EYS: variants seen among roughly 807,000 people sequenced by gnomAD.
EYS encodes the protein protein eyes shut homolog.
EYS carries 250 observed loss-of-function variants against 282.1 expected under a neutral mutation model. The observed-to-expected ratio is 0.89, with a 90% CI of 0.80 to 0.98. The LOEUF (loss-of-function observed/expected upper bound fraction) is 0.98, where lower values mean the gene tolerates loss of function less well. EYS is among the 50% of genes least tolerant of loss of function. The probability of loss-of-function intolerance (pLI) is 0.00; values close to 1 mark genes in which losing one functional copy is unlikely to be tolerated. For missense variants in EYS, 4,016 were observed against 3,709.0 expected, an observed-to-expected ratio of 1.08 and a Z score of -2.15; for synonymous variants, 1,355 against 1,282.9, an observed-to-expected ratio of 1.06 and a Z score of -1.20.
chr6:64,214,751 G>C (rs1297976425), intron 31 of EYS, among the ~76,000 whole-genome samples: 1 of 151,934 alleles, frequency 6.6e-6, no homozygotes. Context: ...TATGTGGCTA[G>C]AACATATTTA....
At chr6:64,299,554 G>C (rs190919116) in intron 30 of EYS, among the ~76,000 whole-genome samples, 1 of 152,342 alleles carries the variant, frequency 6.6e-6, no homozygotes, top group East Asian at 1.9e-4. Flanking sequence ...TGTGCAGTCA[G>C]TAAGTCATTG....
intron 10 of EYS, among the ~76,000 whole-genome samples, chr6:65,339,670 A>C (rs1770126020): frequency 6.6e-6 from 1 of 151,090 alleles, no homozygotes; most frequent in Non-Finnish European, 1.5e-5. Context: ...ATGTCACTGG[A>C]GAAGAGTTTG....
chr6:65,693,170 C>T (rs1039926129), intron 1 of EYS, among the ~76,000 whole-genome samples: 1 of 149,372 alleles, frequency 6.7e-6, no homozygotes, highest in Non-Finnish European at 1.5e-5. Context: ...ATTTTCCTTC[C>T]TTCTCTTTCT....
At chr6:64,352,716 T>C (rs570268366) in intron 29 of EYS, among the ~76,000 whole-genome samples, 52 of 151,614 alleles carry the variant, frequency 3.4e-4, no homozygotes, top group Non-Finnish European at 6.6e-4. Flanking sequence ...TACTCATTTT[T>C]AAATTCCTGT....
chr6:65,062,009 G>T (rs1290258166), intron 12 of EYS, among the ~76,000 whole-genome samples: 1 of 151,376 alleles, frequency 6.6e-6, no homozygotes, highest in African/African-American at 2.4e-5. Context: ...CTTTATTTTT[G>T]TTTATTCATT....
chr6:64,145,673 C>T (rs1289254318), intron 31 of EYS, among the ~76,000 whole-genome samples: 1 of 152,142 alleles, frequency 6.6e-6, no homozygotes, highest in African/African-American at 2.4e-5. Flanking sequence ...GAAAGTTCTA[C>T]ATGCATTTTT....
intron 14 of EYS, among the ~76,000 whole-genome samples, chr6:64,968,378 G>A (rs1436866151): frequency 6.6e-6 from 1 of 151,884 alleles, no homozygotes; most frequent in East Asian, 1.9e-4. Flanking sequence ...AAATAATTTT[G>A]CTGATCAAAT....
chr6:65,626,373 CTTG>C (rs965114670), intron 2 of EYS, among the ~76,000 whole-genome samples: 17 of 152,184 alleles, frequency 1.1e-4, no homozygotes, highest in African/African-American at 4.1e-4. Context: ...TCTTTGTTTT[CTTG>C]TTGTTGTTGT....
intron 30 of EYS, among the ~76,000 whole-genome samples, chr6:64,278,365 T>C (rs572523625): frequency 6.6e-6 from 1 of 152,296 alleles, no homozygotes; most frequent in South Asian, 2.1e-4. Flanking sequence ...TTTTTAATAA[T>C]GAAATTATTC....
chr6:64,819,143 C>T (rs1764824972), intron 21 of EYS, among the ~76,000 whole-genome samples: 1 of 151,940 alleles, frequency 6.6e-6, no homozygotes, highest in South Asian at 2.1e-4. Flanking sequence ...AGCATTGCAC[C>T]ATAGAGAAAG....
intron 2 of EYS, among the ~76,000 whole-genome samples, chr6:65,496,575 G>A (rs1056457268): frequency 6.6e-6 from 1 of 152,048 alleles, no homozygotes; most frequent in South Asian, 2.1e-4. Context: ...TAGGCAACCT[G>A]AGATTTAATT....
chr6:65,455,901 C>T (rs1170077436), intron 5 of EYS, among the ~76,000 whole-genome samples: 2 of 148,956 alleles, frequency 1.3e-5, no homozygotes, highest in Non-Finnish European at 3.0e-5. Context: ...ATTAATTTTA[C>T]AAGAGTAGCA....
intron 22 of EYS, among the ~76,000 whole-genome samples, chr6:64,684,342 T>TA (rs1770009345): frequency 6.6e-6 from 1 of 151,984 alleles, no homozygotes; most frequent in Non-Finnish European, 1.5e-5. Flanking sequence ...GAAACCTAAG[T>TA]AAAAAAAGAT....
At chr6:64,526,702 G>A (rs1050963388) in intron 26 of EYS, among the ~76,000 whole-genome samples, 1 of 151,772 alleles carries the variant, frequency 6.6e-6, no homozygotes, top group Non-Finnish European at 1.5e-5. Context: ...TTAGGAGTGA[G>A]ATGTGAAGGC....
intron 2 of EYS, among the ~76,000 whole-genome samples, chr6:65,593,975 G>A (rs776076899): frequency 1.3e-5 from 2 of 151,806 alleles, no homozygotes; most frequent in Non-Finnish European, 2.9e-5. Flanking sequence ...CAAATAACTT[G>A]ACTAAAAATC....
At chr6:64,905,878 A>T (rs1269597565) in intron 16 of EYS, among the ~76,000 whole-genome samples, 2 of 152,072 alleles carry the variant, frequency 1.3e-5, no homozygotes, top group African/African-American at 4.8e-5. Flanking sequence ...AGGGAAAAAA[A>T]CTAGTGTATA....
At chr6:65,075,795 A>G (rs1435370759) in intron 12 of EYS, among the ~76,000 whole-genome samples, 1 of 152,012 alleles carries the variant, frequency 6.6e-6, no homozygotes, top group Non-Finnish European at 1.5e-5. Flanking sequence ...TGTCAATTCT[A>G]ACCTCTAGTG....
At chr6:64,271,730 C>T (rs569728903) in intron 30 of EYS, among the ~76,000 whole-genome samples, 42 of 151,978 alleles carry the variant, frequency 2.8e-4, no homozygotes, top group Middle Eastern at 3.4e-3. Flanking sequence ...TTGCATTAAA[C>T]TAAACACTTT....
chr6:65,459,454 C>T (rs1764739070), intron 5 of EYS, among the ~76,000 whole-genome samples: 1 of 151,590 alleles, frequency 6.6e-6, no homozygotes, highest in Non-Finnish European at 1.5e-5. Flanking sequence ...ACTAAAGAAC[C>T]TACTATAACT....
Sources: allele counts gnomAD v4.1 joint callset (sites outside exome capture counted in the v4.1 genomes callset), GRCh38; gene constraint gnomAD v4.1.1; transcripts MANE v1.5; gene names NCBI Gene and HGNC (gene_info 2026-07-23, HGNC 2026-07-21).